CCDC88A: variants seen among roughly 807,000 people sequenced by gnomAD.
The protein encoded by CCDC88A is girdin.
In CCDC88A, 54 loss-of-function variants were observed where a neutral mutation model predicts 234.3. That is an observed-to-expected ratio of 0.23 (90% CI 0.19 to 0.29). The LOEUF is 0.29. Among genes scored for constraint, CCDC88A ranks in the 10% least tolerant of loss-of-function variants. The pLI, the probability that CCDC88A is intolerant of heterozygous loss-of-function variation, is 1.00. For missense variants in CCDC88A, 1,832 were observed against 2,123.4 expected (o/e 0.86, Z 2.70); for synonymous variants, 753 against 737.8 (o/e 1.02, Z -0.33).
At chr2:55,312,356 AT>A in intron 23 of CCDC88A, 77 bp downstream of exon 23, 1 of 1,297,542 alleles carries the variant, frequency 7.7e-7, no homozygotes, top group South Asian at 1.5e-5. Flanking sequence ...ATTAGCATGA[AT>A]TTTCTCTGCC....
chr2:55,311,601 T>A (rs1453391109), intron 23 of CCDC88A, among the ~76,000 whole-genome samples: 1 of 152,234 alleles, frequency 6.6e-6, no homozygotes, highest in East Asian at 1.9e-4. Context: ...GTGGATGAAT[T>A]GGGACATGAA....
chr2:55,377,821 T>G (rs915894998), intron 3 of CCDC88A, among the ~76,000 whole-genome samples: 4 of 134,610 alleles, frequency 3.0e-5, no homozygotes, highest in Admixed American at 7.3e-5. Flanking sequence ...TTGGTCAGGC[T>G]GGTCTCTAAC....
At chr2:55,410,673 C>G (rs1191351267) in intron 2 of CCDC88A, among the ~76,000 whole-genome samples, 1 of 152,036 alleles carries the variant, frequency 6.6e-6, no homozygotes, top group Non-Finnish European at 1.5e-5. Context: ...AGCTTGAACC[C>G]AGGAGATTGG....
intron 5 of CCDC88A, 93 bp downstream of exon 5, chr2:55,372,359 T>C (rs954510796): frequency 1.5e-5 from 9 of 600,872 alleles, no homozygotes; most frequent in African/African-American, 1.1e-4. Context: ...TGAAAACCAA[T>C]GGTCCATCCT....
At chr2:55,337,008 C>T in intron 13 of CCDC88A, 190 bp from the exon 14 acceptor site, 1 of 424,502 alleles carries the variant, frequency 2.4e-6, no homozygotes, top group South Asian at 3.9e-5. Context: ...AATATGCAGA[C>T]ATGATTTCTT....
intron 2 of CCDC88A, chr2:55,417,185 T>C (rs1309146125): frequency 6.6e-6 from 1 of 151,626 alleles, no homozygotes; most frequent in Non-Finnish European, 1.5e-5. Context: ...GTATTTAGGA[T>C]GCAAAAAAAA....
At chr2:55,302,185 A>C (rs779342995) in intron 26 of CCDC88A, 113 bp from the exon 27 acceptor site, 23 of 751,672 alleles carry the variant, frequency 3.1e-5, no homozygotes, top group Non-Finnish European at 4.6e-5. Context: ...AAATGGACAT[A>C]AAAAATTATA....
At chr2:55,393,049 C>T (rs1375675363) in intron 2 of CCDC88A, among the ~76,000 whole-genome samples, 1 of 151,716 alleles carries the variant, frequency 6.6e-6, no homozygotes, top group Admixed American at 6.6e-5. Flanking sequence ...TAAAGTTCTA[C>T]GAAAAACCTT....
Position 55,363,886 on chromosome 2 carries a change from G to A in CCDC88A, c.486+64C>T. ...TCTATGACTTTGAAGTATTTTAGGA[G>A]ATAGACAAATAAACACACCACAAGC... On this transcript the variant is annotated intron_variant, in intron 6 of 32. Coordinates refer to ENST00000436346, the MANE Select transcript of CCDC88A (RefSeq NM_001365480.1). 4 of 811,600 alleles carry A rather than the reference G, an allele frequency of 4.9e-6. 1 individual carries two copies. Among genetic ancestry groups the A allele is most frequent in the South Asian group, 3.5e-5 (2 of 57,386 alleles). 50.3% of individuals were successfully genotyped at this position (811,600 alleles called of 1,614,324 possible). A position where few individuals can be genotyped will look rare whatever the true frequency, so the allele number is the denominator to read the frequency against.
At chr2:55,348,292 G>C (rs1432425932) in intron 9 of CCDC88A, 1 of 129,308 alleles carries the variant, frequency 7.7e-6, no homozygotes, top group African/African-American at 2.9e-5. Flanking sequence ...TTTTTTTTTT[G>C]AGACGGAGTC....
At chr2:55,374,771 C>A in intron 4 of CCDC88A, 43 bp downstream of exon 4, 3 of 1,215,014 alleles carry the variant, frequency 2.5e-6, no homozygotes, top group African/African-American at 1.5e-5. Flanking sequence ...TAGTATTACA[C>A]AAAGGTTAGA....
intron 2 of CCDC88A, among the ~76,000 whole-genome samples, chr2:55,415,632 T>C (rs1462195693): frequency 6.6e-6 from 1 of 151,976 alleles, no homozygotes; most frequent in African/African-American, 2.4e-5. Context: ...CAGGGCAGAG[T>C]ACTTAACAGA....
chr2:55,406,746 G>C (rs541702331), intron 2 of CCDC88A, among the ~76,000 whole-genome samples: 270 of 122,660 alleles, frequency 2.2e-3, no homozygotes, highest in Non-Finnish European at 3.2e-3. Flanking sequence ...GTGACACAGG[G>C]AGACCCTGTC....
chr2:55,310,874 A>C (rs1682266128), intron 23 of CCDC88A, among the ~76,000 whole-genome samples: 1 of 152,202 alleles, frequency 6.6e-6, no homozygotes, highest in Non-Finnish European at 1.5e-5. Flanking sequence ...ACTTGTTGAA[A>C]TATCATTAAG....
chr2:55,397,909 G>C (rs1478906855), intron 2 of CCDC88A, among the ~76,000 whole-genome samples: 1 of 151,864 alleles, frequency 6.6e-6, no homozygotes, highest in East Asian at 1.9e-4. Flanking sequence ...TTTAGACTTT[G>C]CAAAAGACTG....
chr2:55,380,411 G>C (rs932196989), intron 3 of CCDC88A, among the ~76,000 whole-genome samples: 2 of 151,498 alleles, frequency 1.3e-5, no homozygotes, highest in African/African-American at 4.9e-5. Flanking sequence ...ATTCTATTCT[G>C]GCGTGAAGAC....
rs530043472 is a variant in CCDC88A, at chr2:55,309,118, GT to G, written c.4172+43del. On this transcript the variant is annotated intron_variant, in intron 24 of 32. Coordinates refer to ENST00000436346, the MANE Select transcript of CCDC88A (RefSeq NM_001365480.1). This position sits in a 1 kb window ranked among gnomAD's most constrained non-coding sequence, Gnocchi z 5.1. Reference sequence around the variant, plus strand: ...ATCACAATATTAGAAATAACCTAGTGTTTTTTTTCAGAATAAGAATTCATAA... The same window carrying G: ...ATCACAATATTAGAAATAACCTAGTGTTTTTTTCAGAATAAGAATTCATAA... 16 of 1,424,358 alleles carry G rather than the reference GT, an allele frequency of 1.1e-5. No individual in the cohort carries two copies. Among genetic ancestry groups the G allele is most frequent in the South Asian group, 7.2e-5 (6 of 83,134 alleles). 88.2% of individuals were successfully genotyped at this position (1,424,358 alleles called of 1,614,324 possible).
intron 23 of CCDC88A, among the ~76,000 whole-genome samples, chr2:55,310,835 G>T (rs752088797): frequency 6.6e-6 from 1 of 152,174 alleles, no homozygotes; most frequent in Admixed American, 6.5e-5. Context: ...TGTTAACAAG[G>T]CTGGAGTTCC....
At position 55,328,594 on chromosome 2, in the gene CCDC88A, C is replaced by T. The variant is rs1417909945; in HGVS notation, c.2856-159G>A. On this transcript the variant is annotated intron_variant, in intron 16 of 32. Transcript: ENST00000436346. This position sits in a 1 kb window ranked among gnomAD's most constrained non-coding sequence, Gnocchi z 4.3. ...TATCCTCTTCTTACTGCCCCATTCT[C>T]CCTTTAAAACTAATCCTGGTAATGA... 4.4e-6 allele frequency: 2 copies of T among 455,222 alleles called. No homozygotes were observed. The highest frequency in any genetic ancestry group is 7.5e-6 in the Non-Finnish European group (2 of 265,772). 28.2% of individuals were successfully genotyped at this position (455,222 alleles called of 1,614,324 possible). A position where few individuals can be genotyped will look rare whatever the true frequency, so the allele number is the denominator to read the frequency against.
Sources: gnomAD v4.1 joint callset for allele counts (sites outside exome capture counted in the v4.1 genomes callset) on GRCh38, gnomAD v4.1.1 for gene constraint, Gnocchi (gnomAD v3.1) non-coding constraint, MANE v1.5 for transcripts, NCBI Gene and HGNC (gene_info 2026-07-23, HGNC 2026-07-21) for gene names.